TMEM132D: variants seen among roughly 807,000 people sequenced by gnomAD.
TMEM132D encodes mature OL transmembrane protein.
A neutral mutation model predicts 62.3 loss-of-function variants in TMEM132D; 21 were observed. The observed-to-expected ratio is 0.34, with a 90% CI of 0.24 to 0.49. The LOEUF is 0.49. Ranked by LOEUF, TMEM132D falls within the 20% of genes least tolerant of loss-of-function variation. The probability of loss-of-function intolerance (pLI) is 0.99; values close to 1 mark genes in which losing one functional copy is unlikely to be tolerated. For missense variants in TMEM132D, 1,346 were observed against 1,402.8 expected, an observed-to-expected ratio of 0.96 and a Z score of 0.65; for synonymous variants, 621 against 575.6, an observed-to-expected ratio of 1.08 and a Z score of -1.13.
rs114964249 is a variant in TMEM132D, at chr12:129,572,599, G to A, written c.969-41394C>T. Among the ~76,000 whole-genome samples, 1,276 of 152,176 alleles carry A rather than the reference G, an allele frequency of 8.4e-3. 17 individuals carry two copies. The highest frequency in any genetic ancestry group is 0.029 in the African/African-American group (1,214 of 41,530). ...GAGTAGCTGGGATTACTAGGCATGC[G>A]GCATCACACCCAGCTAATTTTGTAT... On this transcript the variant is annotated intron_variant, in intron 2 of 8. Coordinates refer to ENST00000422113, the MANE Select transcript of TMEM132D (RefSeq NM_133448.3).
intron 3 of TMEM132D, among the ~76,000 whole-genome samples, chr12:129,449,486 G>A (rs1291785681): frequency 6.6e-6 from 1 of 152,146 alleles, no homozygotes; most frequent in Non-Finnish European, 1.5e-5. Flanking sequence ...AGGTACTGTG[G>A]TGCAACACAT....
intron 3 of TMEM132D, among the ~76,000 whole-genome samples, chr12:129,513,057 G>T (rs1363998015): frequency 2.0e-5 from 3 of 152,210 alleles, no homozygotes; most frequent in African/African-American, 7.2e-5. Context: ...TGTGTTGCTA[G>T]AAAAGAATAT....
intron 1 of TMEM132D, among the ~76,000 whole-genome samples, chr12:129,842,097 ATTTTTTTTTT>A (rs746315309): frequency 3.1e-5 from 3 of 97,440 alleles, no homozygotes; most frequent in Admixed American, 1.2e-4. Flanking sequence ...CGCCCGGCTA[ATTTTTTTTTT>A]TTTTTTTTTT....
At chr12:129,628,775 C>T (rs1282879431) in intron 2 of TMEM132D, among the ~76,000 whole-genome samples, 1 of 152,082 alleles carries the variant, frequency 6.6e-6, no homozygotes, top group Non-Finnish European at 1.5e-5. Flanking sequence ...CCATGACCAT[C>T]TTCCTACATA....
At chr12:129,443,293 G>A (rs1417982765) in intron 3 of TMEM132D, among the ~76,000 whole-genome samples, 2 of 152,180 alleles carry the variant, frequency 1.3e-5, no homozygotes, top group Non-Finnish European at 2.9e-5. Flanking sequence ...TTCTGAAGGT[G>A]AGCCGCCTCC....
chr12:129,686,247 C>G (rs1044545297), intron 2 of TMEM132D, among the ~76,000 whole-genome samples: 15 of 152,038 alleles, frequency 9.9e-5, no homozygotes, highest in African/African-American at 3.6e-4. Context: ...AATTGTAGTT[C>G]CCATGATCCC....
chr12:129,319,192 T>G (rs977756763), intron 4 of TMEM132D, among the ~76,000 whole-genome samples: 1 of 152,198 alleles, frequency 6.6e-6, no homozygotes, highest in Non-Finnish European at 1.5e-5. Context: ...TTTTACCCCC[T>G]GCTCCTCTGG....
At chr12:129,105,330 G>A (rs1270462450) in intron 5 of TMEM132D, among the ~76,000 whole-genome samples, 6 of 143,354 alleles carry the variant, frequency 4.2e-5, no homozygotes, top group African/African-American at 1.6e-4. Context: ...ACTCACAGGT[G>A]GGAATTGAAC....
At chr12:129,304,520 C>A (rs1566027452) in intron 4 of TMEM132D, among the ~76,000 whole-genome samples, 1 of 152,122 alleles carries the variant, frequency 6.6e-6, no homozygotes, top group South Asian at 2.1e-4. Context: ...ATGGCCTGAA[C>A]AATCCCATAT....
chr12:129,732,993 A>T (rs144115706), intron 1 of TMEM132D, among the ~76,000 whole-genome samples: 8 of 152,338 alleles, frequency 5.3e-5, no homozygotes, highest in African/African-American at 1.9e-4. Flanking sequence ...CATGGATCCC[A>T]TGGGGACAGA....
rs888089209 is a variant in TMEM132D, at chr12:129,651,071, T to C, written c.968+48739A>G. 3.9e-5 allele frequency among the ~76,000 whole-genome samples: 6 copies of C among 152,280 alleles called. No homozygotes were observed. In the East Asian group the frequency reaches 7.7e-4, roughly 20 times the overall value. On this transcript the variant is annotated intron_variant, in intron 2 of 8. Transcript: ENST00000422113. ...TTATCTATTTATCAATCCCGGGTAA[T>C]GAATGAAGCTTTGACTAGTTGCTGT...
chr12:129,818,394 C>G (rs1872435889), intron 1 of TMEM132D, among the ~76,000 whole-genome samples: 2 of 86,516 alleles, frequency 2.3e-5, no homozygotes, highest in Non-Finnish European at 4.4e-5. Context: ...TGTGTGATGT[C>G]GGGGGTGTGT....
chr12:129,659,628 C>G (rs1264001263), intron 2 of TMEM132D, among the ~76,000 whole-genome samples: 3 of 151,326 alleles, frequency 2.0e-5, no homozygotes, highest in African/African-American at 7.3e-5. Flanking sequence ...AGTAACTCTT[C>G]TCTGTGAAGT....
At chr12:129,389,286 G>C (rs1242640195) in intron 3 of TMEM132D, among the ~76,000 whole-genome samples, 1 of 151,016 alleles carries the variant, frequency 6.6e-6, no homozygotes, top group Non-Finnish European at 1.5e-5. Flanking sequence ...CAAACCTTAA[G>C]GCTAATACTA....
rs1404994845 is a variant in TMEM132D at position 129,072,895 on chromosome 12, G to A, written c.*980C>T. Reference sequence around the variant, plus strand: ...CCTAGAGACCAGCCTCTTCAAAGACGGACGGCGTGGGACATATGCCCAGGT... The same window carrying A: ...CCTAGAGACCAGCCTCTTCAAAGACAGACGGCGTGGGACATATGCCCAGGT... On this transcript the variant is annotated 3_prime_UTR_variant, in exon 9 of 9. Transcript: ENST00000422113. 1 of 152,134 alleles carries A rather than the reference G, an allele frequency of 6.6e-6. No individual in the cohort carries two copies. Among genetic ancestry groups the A allele is most frequent in the Admixed American group, 6.5e-5 (1 of 15,280 alleles). 9.4% of individuals were successfully genotyped at this position (152,134 alleles called of 1,614,324 possible).
chr12:129,249,704 T>C (rs992865514), intron 4 of TMEM132D, among the ~76,000 whole-genome samples: 1 of 152,094 alleles, frequency 6.6e-6, no homozygotes, highest in Non-Finnish European at 1.5e-5. Context: ...CAATAACAGA[T>C]ATTTACTTCG....
chr12:129,355,830 C>T (rs529582154), intron 3 of TMEM132D, among the ~76,000 whole-genome samples: 7 of 152,160 alleles, frequency 4.6e-5, no homozygotes, highest in Non-Finnish European at 8.8e-5. Flanking sequence ...GCGCAAAGAG[C>T]CTAAAGTGCC....
intron 2 of TMEM132D, among the ~76,000 whole-genome samples, chr12:129,599,697 T>A (rs1878435735): frequency 6.6e-6 from 1 of 152,220 alleles, no homozygotes; most frequent in South Asian, 2.1e-4. Context: ...AATATCACCA[T>A]AAAGTGAGTC....
At chr12:129,147,268 A>G (rs543402429) in intron 5 of TMEM132D, among the ~76,000 whole-genome samples, 2 of 148,814 alleles carry the variant, frequency 1.3e-5, no homozygotes, top group East Asian at 4.0e-4. Context: ...ACATATGTGC[A>G]TATGTATATA....
Sources: allele counts gnomAD v4.1 joint callset (sites outside exome capture counted in the v4.1 genomes callset), GRCh38; gene constraint gnomAD v4.1.1; transcripts MANE v1.5; gene names NCBI Gene and HGNC (gene_info 2026-07-23, HGNC 2026-07-21).